Variants in RPRD1B observed in about 807,000 individuals in gnomAD.
The protein encoded by RPRD1B is regulation of nuclear pre-mRNA domain containing 1B.
A neutral mutation model predicts 41.5 loss-of-function variants in RPRD1B; 11 were observed. The ratio of observed to expected loss-of-function variants is 0.27; its 90% CI spans 0.17 to 0.44. The LOEUF (loss-of-function observed/expected upper bound fraction) is 0.44. Ranked by LOEUF, RPRD1B falls within the 20% of genes least tolerant of loss-of-function variation. The probability of loss-of-function intolerance (pLI) is 1.00; values close to 1 mark genes in which losing one functional copy is unlikely to be tolerated. For synonymous variants in RPRD1B, 158 were observed against 155.6 expected (o/e 1.02, Z -0.12); for missense variants, 248 against 389.9 (o/e 0.64, Z 3.06).
rs2074608590 is a variant in RPRD1B at position 38,091,117 on chromosome 20, A to G, written c.*1242A>G. On this transcript the variant is annotated 3_prime_UTR_variant, in exon 7 of 7. Transcript: ENST00000373433. ...AGGTTCAGCCTGCCAATTGTAAATCATTCTAATTTGGCAGGCTTATTTTTG... is the reference window on the plus strand; with the variant it reads ...AGGTTCAGCCTGCCAATTGTAAATCGTTCTAATTTGGCAGGCTTATTTTTG... The G allele has an allele frequency of 3.0e-6, 3 of 985,842 alleles. No homozygotes were observed. The highest frequency in any genetic ancestry group is 3.6e-6 in the Non-Finnish European group (3 of 829,926). The allele number at this position is 985,842 out of a possible 1,614,324, so 61.1% of individuals were successfully genotyped here. A position where few individuals can be genotyped will look rare whatever the true frequency, so the allele number is the denominator to read the frequency against.
At chr20:38,081,670 A>G (rs951936144) in intron 6 of RPRD1B, among the ~76,000 whole-genome samples, 8 of 152,108 alleles carry the variant, frequency 5.3e-5, no homozygotes, top group Admixed American at 5.2e-4. Context: ...CCTGTTGAGT[A>G]TGATGTTTGC....
intron 2 of RPRD1B, among the ~76,000 whole-genome samples, chr20:38,046,000 G>A (rs1266944150): frequency 6.6e-6 from 1 of 152,088 alleles, no homozygotes; most frequent in Non-Finnish European, 1.5e-5. Flanking sequence ...TGCAGTTTCC[G>A]CACATTCCCC....
chr20:38,040,302 A>T, intron 1 of RPRD1B, 133 bp from the exon 2 acceptor site: 1 of 576,054 alleles, frequency 1.7e-6, no homozygotes, highest in Non-Finnish European at 2.7e-6. Context: ...TGGTCTTTTT[A>T]AACATATCTA....
At chr20:38,034,138 T>TGTC in intron 1 of RPRD1B, 40 bp downstream of exon 1, 5 of 1,593,508 alleles carry the variant, frequency 3.1e-6, no homozygotes, top group Non-Finnish European at 4.3e-6. Context: ...GTCCCCGGAT[T>TGTC]GTCCTCTCGC....
chr20:38,034,227 A>G (rs1173165221), intron 1 of RPRD1B, 129 bp downstream of exon 1: 7 of 1,053,250 alleles, frequency 6.6e-6, no homozygotes, highest in Non-Finnish European at 9.5e-6. Context: ...GAGATGGGAG[A>G]CAAAGTTAGC....
chr20:38,063,858 C>T (rs749970282), intron 5 of RPRD1B, among the ~76,000 whole-genome samples: 3 of 152,106 alleles, frequency 2.0e-5, no homozygotes, highest in South Asian at 2.1e-4. Flanking sequence ...ATTTTCACTG[C>T]GTATTTGTAT....
chr20:38,086,073 C>A (rs143415231), intron 6 of RPRD1B, among the ~76,000 whole-genome samples: 3 of 151,966 alleles, frequency 2.0e-5, no homozygotes, highest in Non-Finnish European at 4.4e-5. Flanking sequence ...CCTCAGCCTC[C>A]CAAAGTGTTG....
rs6091816 is a variant in RPRD1B at position 38,090,946 on chromosome 20, C to T, written c.*1071C>T. 5 of 985,176 alleles carry T rather than the reference C, an allele frequency of 5.1e-6. No individual in the cohort carries two copies. Among genetic ancestry groups the T allele is most frequent in the East Asian group, 1.1e-4 (1 of 8,814 alleles). The allele number at this position is 985,176 out of a possible 1,614,324, so 61.0% of individuals were successfully genotyped here. On this transcript the variant is annotated 3_prime_UTR_variant, in exon 7 of 7. Transcript: ENST00000373433. ...GTCCCCACACGACGGGGAGTACTTG[C>T]GTCAGATGTTATTGAATAGCTCGTC...
Position 38,057,548 on chromosome 20 carries a change from A to G in RPRD1B, c.432A>G (p.Lys144=). 2 of 1,613,658 alleles carry G rather than the reference A, an allele frequency of 1.2e-6. No homozygotes were observed. The highest frequency in any genetic ancestry group is 1.7e-6 in the Non-Finnish European group (2 of 1,179,512). The part of the protein sequence containing the change: ...SPPPKATEEK[K]SLKRTFQQIQ... The stretch of plus-strand genomic sequence containing the variant: ...TTTGTCTAGCAACAGAAGAGAAGAA[A>G]TCTCTGAAACGAACTTTTCAGCAAA... The change falls in exon 4 of 7, where the codon AAA becomes AAG. Residue 144 remains lysine (K), a synonymous_variant. Coordinates refer to ENST00000373433, the MANE Select transcript of RPRD1B (RefSeq NM_021215.4).
intron 6 of RPRD1B, among the ~76,000 whole-genome samples, chr20:38,086,955 GT>G (rs374026439): frequency 1.3e-5 from 2 of 151,494 alleles, no homozygotes; most frequent in Non-Finnish European, 2.9e-5. Flanking sequence ...GGTTTTTTTT[GT>G]TTTTTTGTTT....
In RPRD1B at chr20:38,091,155, G is replaced by A. The variant is rs1987935714; in HGVS notation, c.*1280G>A. ...AGGCTTATTTTTGACATTGGAAAGG[G>A]CAGAAAGCGATTTGCCCCAGTAGTG... On this transcript the variant is annotated 3_prime_UTR_variant, in exon 7 of 7. Transcript: ENST00000373433. The A allele has an allele frequency of 2.2e-5, 22 of 985,756 alleles. No homozygotes were observed. Among genetic ancestry groups the A allele is most frequent in the Non-Finnish European group, 2.7e-5 (22 of 829,916 alleles). The allele number at this position is 985,756 out of a possible 1,614,324, so 61.1% of individuals were successfully genotyped here.
chr20:38,061,239 G>A (rs924841188), intron 5 of RPRD1B, among the ~76,000 whole-genome samples: 15 of 152,022 alleles, frequency 9.9e-5, no homozygotes, highest in African/African-American at 1.7e-4. Context: ...AGTTCTTTTC[G>A]TCTTGCCAAA....
In RPRD1B at chr20:38,035,555, G is replaced by C. The variant is rs182723083; in HGVS notation, c.151+1457G>C. Among the ~76,000 whole-genome samples the C allele has an allele frequency of 1.2e-3, 178 of 152,252 alleles. 2 individuals carry two copies. The highest frequency in any genetic ancestry group is 3.9e-3 in the African/African-American group (161 of 41,526). ...TTAGCAGGGACTGCCCCCAAATATC[G>C]CGTACTGTACTGAGATAGGGATCCC... On this transcript the variant is annotated intron_variant, in intron 1 of 6. Coordinates refer to ENST00000373433, the MANE Select transcript of RPRD1B (RefSeq NM_021215.4).
intron 6 of RPRD1B, chr20:38,070,737 GA>G: frequency 4.2e-5 from 36 of 863,558 alleles, no homozygotes; most frequent in Non-Finnish European, 4.7e-5. Context: ...TCTTAACTGT[GA>G]TTTTTTTTTT....
At chr20:38,070,213 CTT>C in intron 6 of RPRD1B, 1 of 985,156 alleles carries the variant, frequency 1.0e-6, no homozygotes. Context: ...TTGTTTTTGA[CTT>C]TTGCTTCAGG....
chr20:38,040,313 C>A, intron 1 of RPRD1B, 122 bp from the exon 2 acceptor site: 1 of 628,030 alleles, frequency 1.6e-6, no homozygotes, highest in Non-Finnish European at 2.4e-6. Flanking sequence ...AACATATCTA[C>A]TTGACCCCCC....
chr20:38,059,328 C>T (rs1194331931), intron 4 of RPRD1B, 66 bp from the exon 5 acceptor site: 2 of 1,497,070 alleles, frequency 1.3e-6, no homozygotes, highest in African/African-American at 2.8e-5. Flanking sequence ...CCTCATTTAA[C>T]TCCAACTAAT....
chr20:38,072,107 A>G (rs983366826), intron 6 of RPRD1B, among the ~76,000 whole-genome samples: 22 of 151,830 alleles, frequency 1.4e-4, no homozygotes, highest in African/African-American at 4.6e-4. Context: ...GGTCATGACA[A>G]TTTTTTTCTG....
At chr20:38,036,174 A>C (rs1345073356) in intron 1 of RPRD1B, among the ~76,000 whole-genome samples, 1 of 152,158 alleles carries the variant, frequency 6.6e-6, no homozygotes, top group Non-Finnish European at 1.5e-5. Context: ...CGTTATCCCT[A>C]ATCTTACGTG....
Sources: gnomAD v4.1 joint callset for allele counts (sites outside exome capture counted in the v4.1 genomes callset) on GRCh38, gnomAD v4.1.1 for gene constraint, MANE v1.5 for transcripts, NCBI Gene and HGNC (gene_info 2026-07-23, HGNC 2026-07-21) for gene names.